The following DLC1 variants were observed in gnomAD, a reference collection of about 807,000 sequenced individuals.
DLC1 encodes rho GTPase-activating protein 7.
In DLC1, 54 loss-of-function variants were observed where a neutral mutation model predicts 140.3. That is an observed-to-expected ratio of 0.38 (90% CI 0.31 to 0.48). The LOEUF (loss-of-function observed/expected upper bound fraction) is 0.48. DLC1 is among the 20% of genes least tolerant of loss of function. The pLI, the probability that DLC1 is intolerant of heterozygous loss-of-function variation, is 0.96. For missense variants in DLC1, 2,536 were observed against 1,907.0 expected (o/e 1.33, Z -6.14); for synonymous variants, 986 against 728.1 (o/e 1.35, Z -5.70).
At chr8:13,480,701 T>G (rs1376650606) in intron 2 of DLC1, among the ~76,000 whole-genome samples, 2 of 152,134 alleles carry the variant, frequency 1.3e-5, no homozygotes, top group African/African-American at 4.8e-5. Context: ...GTCAGGAGTT[T>G]GAGACCAGCC....
At chr8:13,348,802 C>G (rs1160112015) in intron 4 of DLC1, among the ~76,000 whole-genome samples, 1 of 152,092 alleles carries the variant, frequency 6.6e-6, no homozygotes, top group Non-Finnish European at 1.5e-5. Context: ...AGCATTATTT[C>G]TCTGGAAAGT....
intron 4 of DLC1, among the ~76,000 whole-genome samples, chr8:13,387,375 G>C (rs1228497391): frequency 1.3e-5 from 2 of 151,832 alleles, no homozygotes; most frequent in Non-Finnish European, 2.9e-5. Flanking sequence ...AACCATTTAA[G>C]CAAACATATA....
intron 4 of DLC1, among the ~76,000 whole-genome samples, chr8:13,359,974 A>G (rs577257562): frequency 6.6e-6 from 1 of 152,350 alleles, no homozygotes; most frequent in African/African-American, 2.4e-5. Flanking sequence ...AGATTTATAA[A>G]GAGCTACTCC....
intron 5 of DLC1, among the ~76,000 whole-genome samples, chr8:13,216,277 T>C (rs1828195616): frequency 6.6e-6 from 1 of 152,136 alleles, no homozygotes; most frequent in Non-Finnish European, 1.5e-5. Context: ...AGAGTCAAAG[T>C]TGTTACAATT....
rs149448826 is a variant in DLC1, at chr8:13,180,358, A to G, written c.1349-64701T>C. 1.6e-3 allele frequency among the ~76,000 whole-genome samples: 246 copies of G among 152,336 alleles called. 1 individual carries two copies. Among genetic ancestry groups the G allele is most frequent in the African/African-American group, 5.7e-3 (237 of 41,588 alleles). ...TTTTTTGTGTGTGTCACACAGCACAATGGCTTATTTATCACATCCCAAATA... is the reference window on the plus strand; with the variant it reads ...TTTTTTGTGTGTGTCACACAGCACAGTGGCTTATTTATCACATCCCAAATA... On this transcript the variant is annotated intron_variant, in intron 5 of 17. Transcript: ENST00000276297.
intron 1 of DLC1, among the ~76,000 whole-genome samples, chr8:13,504,395 G>T (rs1359918539): frequency 6.6e-6 from 1 of 152,182 alleles, no homozygotes; most frequent in East Asian, 1.9e-4. Flanking sequence ...AAACTGTTGG[G>T]ATCACAGGCG....
At chr8:13,321,302 G>C (rs990038894) in intron 4 of DLC1, among the ~76,000 whole-genome samples, 1 of 152,068 alleles carries the variant, frequency 6.6e-6, no homozygotes, top group Non-Finnish European at 1.5e-5. Context: ...CACTTTGCAA[G>C]GCTGTAGTGG....
intron 5 of DLC1, among the ~76,000 whole-genome samples, chr8:13,281,930 G>C (rs148104538): frequency 6.6e-6 from 1 of 152,146 alleles, no homozygotes; most frequent in Non-Finnish European, 1.5e-5. Context: ...TCAATTCTGC[G>C]CCTTGCCAGA....
chr8:13,356,864 T>G (rs1729155), intron 4 of DLC1, among the ~76,000 whole-genome samples: 106,242 of 151,098 alleles, frequency 0.7, 38,071 homozygotes, highest in East Asian at 0.84. Context: ...TTTTTTATTA[T>G]TTATTTATTT....
chr8:13,406,663 C>G (rs984786162), intron 2 of DLC1, among the ~76,000 whole-genome samples: 11 of 152,146 alleles, frequency 7.2e-5, no homozygotes, highest in African/African-American at 2.2e-4. Flanking sequence ...TTACTCTTCT[C>G]TGGATATGAT....
intron 2 of DLC1, among the ~76,000 whole-genome samples, chr8:13,414,396 G>A (rs942520635): frequency 1.8e-4 from 28 of 152,124 alleles, no homozygotes; most frequent in African/African-American, 6.8e-4. Flanking sequence ...AGAACTTGGT[G>A]ATGATCTCCT....
intron 1 of DLC1, among the ~76,000 whole-genome samples, chr8:13,549,056 C>G (rs555386880): frequency 6.6e-6 from 1 of 152,068 alleles, no homozygotes; most frequent in South Asian, 2.1e-4. Flanking sequence ...CCATAACTGA[C>G]CAACTATATT....
At chr8:13,343,778 C>G (rs753260284) in intron 4 of DLC1, among the ~76,000 whole-genome samples, 1 of 152,106 alleles carries the variant, frequency 6.6e-6, no homozygotes, top group Non-Finnish European at 1.5e-5. Context: ...AGTTTTAAGG[C>G]CTTTGGTTCA....
intron 5 of DLC1, among the ~76,000 whole-genome samples, chr8:13,261,003 C>T (rs142454360): frequency 2.5e-3 from 385 of 152,260 alleles, no homozygotes; most frequent in African/African-American, 8.3e-3. Flanking sequence ...TATACATGTC[C>T]GTTGATTAAG....
At chr8:13,490,289 T>A (rs1168284222) in intron 2 of DLC1, among the ~76,000 whole-genome samples, 1 of 152,256 alleles carries the variant, frequency 6.6e-6, no homozygotes, top group Non-Finnish European at 1.5e-5. Flanking sequence ...CTAGTTTTAT[T>A]CCTATGTCAA....
intron 2 of DLC1, chr8:13,498,837 T>C (rs546027094): frequency 1.9e-6 from 1 of 534,988 alleles, no homozygotes; most frequent in Non-Finnish European, 3.2e-6. Flanking sequence ...TAAACCATTA[T>C]ACACATTATT....
chr8:13,237,678 G>A (rs1829350987), intron 5 of DLC1, among the ~76,000 whole-genome samples: 1 of 151,962 alleles, frequency 6.6e-6, no homozygotes, highest in African/African-American at 2.4e-5. Context: ...CATCCTCATA[G>A]CTTAGCTCCC....
At chr8:13,315,133 G>T (rs1280780251) in intron 4 of DLC1, among the ~76,000 whole-genome samples, 1 of 152,166 alleles carries the variant, frequency 6.6e-6, no homozygotes, top group Non-Finnish European at 1.5e-5. Flanking sequence ...CCTGATGAAT[G>T]GCCTGGTGCA....
intron 1 of DLC1, among the ~76,000 whole-genome samples, chr8:13,569,473 A>T (rs1343874876): frequency 6.6e-6 from 1 of 152,150 alleles, no homozygotes; most frequent in Admixed American, 6.5e-5. Flanking sequence ...ATATTATGTC[A>T]TGCTTTATCT....
Sources: gnomAD v4.1 joint callset for allele counts (sites outside exome capture counted in the v4.1 genomes callset) on GRCh38, gnomAD v4.1.1 for gene constraint, MANE v1.5 for transcripts, NCBI Gene and HGNC (gene_info 2026-07-23, HGNC 2026-07-21) for gene names.